The following PRKD1 variants were observed in gnomAD, a reference collection of about 807,000 sequenced individuals.
The protein encoded by PRKD1 is serine/threonine-protein kinase D1.
PRKD1 carries 63 observed loss-of-function variants against 95.9 expected under a neutral mutation model. That is an observed-to-expected ratio of 0.66 (90% CI 0.54 to 0.81). The LOEUF (loss-of-function observed/expected upper bound fraction) is 0.81, where lower values mean the gene tolerates loss of function less well. PRKD1 is among the 30% of genes least tolerant of loss of function. The pLI is 0.00. For synonymous variants in PRKD1, 425 were observed against 423.1 expected (o/e 1.00, Z -0.05); for missense variants, 1,048 against 1,165.3 (o/e 0.90, Z 1.47).
intron 2 of PRKD1, among the ~76,000 whole-genome samples, chr14:29,675,183 G>A (rs1883084672): frequency 6.6e-6 from 1 of 152,204 alleles, no homozygotes; most frequent in Non-Finnish European, 1.5e-5. Flanking sequence ...GAAGCCGACT[G>A]ATTCAGTTGG....
chr14:29,909,432 C>A (rs983561506), intron 1 of PRKD1, among the ~76,000 whole-genome samples: 1 of 152,156 alleles, frequency 6.6e-6, no homozygotes, highest in Admixed American at 6.5e-5. Context: ...GCTCCACCTG[C>A]GGCCTGGGTG....
intron 1 of PRKD1, among the ~76,000 whole-genome samples, chr14:29,859,480 C>T (rs1307591803): frequency 6.6e-6 from 1 of 151,664 alleles, no homozygotes; most frequent in Admixed American, 6.6e-5. Flanking sequence ...TAGTGGCGGG[C>T]GCCTGTGGTC....
At chr14:29,599,619 A>G in intron 14 of PRKD1, 37 bp downstream of exon 14, 2 of 1,567,932 alleles carry the variant, frequency 1.3e-6, no homozygotes, top group Non-Finnish European at 8.7e-7. Flanking sequence ...TTTGATATTA[A>G]ATATTGTATT....
At chr14:29,584,283 G>A (rs919163444) in intron 16 of PRKD1, among the ~76,000 whole-genome samples, 3 of 151,770 alleles carry the variant, frequency 2.0e-5, no homozygotes, top group Admixed American at 2.0e-4. Context: ...TACAAAAGGT[G>A]TTTTGTATGC....
intron 2 of PRKD1, among the ~76,000 whole-genome samples, chr14:29,695,301 C>T (rs1241238327): frequency 6.6e-6 from 1 of 150,438 alleles, no homozygotes; most frequent in South Asian, 2.1e-4. Context: ...TGACTGTAGA[C>T]ATTTGAACAA....
At position 29,652,646 on chromosome 14, in the gene PRKD1, C is replaced by T. The variant is rs140359787; in HGVS notation, c.696+11053G>A. On this transcript the variant is annotated intron_variant, in intron 4 of 17. Transcript: ENST00000331968. ...ACTGCCCAGGTTTGAATTTGAAAAA[C>T]TAGTTTGTAGAATCATCAAAGGAAA... is the stretch of plus-strand genomic sequence containing the variant. 5.6e-4 allele frequency among the ~76,000 whole-genome samples: 85 copies of T among 152,296 alleles called. No individual in the cohort carries two copies. The Middle Eastern group carries it at 0.01, about 18-fold the overall frequency.
chr14:29,583,518 G>A (rs1892815306), intron 16 of PRKD1, among the ~76,000 whole-genome samples: 1 of 152,028 alleles, frequency 6.6e-6, no homozygotes, highest in South Asian at 2.1e-4. Context: ...ATTATTTTCT[G>A]ATTATACCTC....
chr14:29,753,555 G>C (rs944414069), intron 1 of PRKD1, among the ~76,000 whole-genome samples: 3 of 151,954 alleles, frequency 2.0e-5, no homozygotes, highest in Admixed American at 1.3e-4. Flanking sequence ...TTTTGCAAAT[G>C]GTGTCTATGC....
intron 1 of PRKD1, among the ~76,000 whole-genome samples, chr14:29,876,720 C>CAA: frequency 6.8e-6 from 1 of 146,716 alleles, no homozygotes; most frequent in African/African-American, 2.5e-5. Flanking sequence ...AACAAACAAA[C>CAA]AAAAAAAAAC....
At chr14:29,641,894 A>AT (rs1490664846) in intron 4 of PRKD1, among the ~76,000 whole-genome samples, 1 of 130,156 alleles carries the variant, frequency 7.7e-6, no homozygotes, top group Non-Finnish European at 1.7e-5. Context: ...CTTTAAAAAT[A>AT]TTTCTTTTTT....
intron 2 of PRKD1, among the ~76,000 whole-genome samples, chr14:29,684,528 C>G (rs1337410812): frequency 6.6e-6 from 1 of 152,174 alleles, no homozygotes; most frequent in African/African-American, 2.4e-5. Context: ...AAATTGTTGT[C>G]AGTGAGTGAA....
chr14:29,703,662 C>T (rs1884945755), intron 2 of PRKD1, among the ~76,000 whole-genome samples: 1 of 152,080 alleles, frequency 6.6e-6, no homozygotes, highest in African/African-American at 2.4e-5. Context: ...ACGTGTATAT[C>T]TTTTTTTCCC....
At chr14:29,840,423 G>A (rs1234791872) in intron 1 of PRKD1, among the ~76,000 whole-genome samples, 1 of 152,068 alleles carries the variant, frequency 6.6e-6, no homozygotes, top group African/African-American at 2.4e-5. Flanking sequence ...AGTCTCCAGG[G>A]AGTTCCAAAC....
intron 14 of PRKD1, 28 bp downstream of exon 14, chr14:29,599,628 T>C: frequency 6.3e-7 from 1 of 1,587,440 alleles, no homozygotes; most frequent in Non-Finnish European, 8.6e-7. Flanking sequence ...AAATATTGTA[T>C]TTTTTCCGTC....
intron 1 of PRKD1, among the ~76,000 whole-genome samples, chr14:29,861,270 G>A (rs1377335636): frequency 6.6e-6 from 1 of 152,130 alleles, no homozygotes; most frequent in African/African-American, 2.4e-5. Flanking sequence ...AACTGAGATG[G>A]TTTTAGCTTG....
intron 2 of PRKD1, among the ~76,000 whole-genome samples, chr14:29,710,207 C>G (rs959893374): frequency 6.6e-6 from 1 of 152,048 alleles, no homozygotes; most frequent in African/African-American, 2.4e-5. Context: ...CTCCACTCTC[C>G]AGAGGGTGGA....
chr14:29,909,931 A>C (rs1473988353), intron 1 of PRKD1, among the ~76,000 whole-genome samples: 1 of 152,218 alleles, frequency 6.6e-6, no homozygotes, highest in East Asian at 1.9e-4. Context: ...TAAATGCACC[A>C]ATCAGCACCC....
chr14:29,770,691 G>C (rs917041343), intron 1 of PRKD1, among the ~76,000 whole-genome samples: 1 of 152,088 alleles, frequency 6.6e-6, no homozygotes, highest in Non-Finnish European at 1.5e-5. Flanking sequence ...AGGAGGTCAG[G>C]CATTGTGACT....
chr14:29,634,035 C>T (rs45498794), intron 8 of PRKD1, among the ~76,000 whole-genome samples: 2 of 152,136 alleles, frequency 1.3e-5, no homozygotes, highest in Non-Finnish European at 2.9e-5. Context: ...TAAGGACTTA[C>T]GAAGTATAAG....
Sources: allele counts gnomAD v4.1 joint callset (sites outside exome capture counted in the v4.1 genomes callset), GRCh38; gene constraint gnomAD v4.1.1; transcripts MANE v1.5; gene names NCBI Gene and HGNC (gene_info 2026-07-23, HGNC 2026-07-21).